IL7: variants seen among roughly 807,000 people sequenced by gnomAD.
IL7 encodes the protein interleukin 7, also known as interleukin-7.
IL7 carries 3 observed loss-of-function variants against 21.6 expected under a neutral mutation model. The observed-to-expected ratio is 0.14, with a 90% confidence interval of 0.06 to 0.36. The LOEUF is 0.36. Ranked by LOEUF, IL7 falls within the 10% of genes least tolerant of loss-of-function variation. IL7 has a pLI of 1.00. For missense variants in IL7, 175 were observed against 200.2 expected (o/e 0.87, Z 0.76); for synonymous variants, 62 against 68.1 (o/e 0.91, Z 0.44).
chr8:78,736,617 C>T, intron 4 of IL7, 90 bp from the exon 5 acceptor site: 1 of 693,084 alleles, frequency 1.4e-6, no homozygotes, highest in South Asian at 2.1e-5. Context: ...TTGCCTTCAG[C>T]TCATCTAATC....
At chr8:78,717,416 C>T, downstream of IL7, 1 of 1,612,460 alleles carries the variant, frequency 6.2e-7, no homozygotes, top group Non-Finnish European at 8.5e-7. Flanking sequence ...AAAATTCTGC[C>T]ATGAGTGTGG....
chr8:78,714,876 C>T (rs1045577951), downstream of IL7, among the ~76,000 whole-genome samples: 7 of 151,894 alleles, frequency 4.6e-5, no homozygotes, highest in South Asian at 4.2e-4. Context: ...AACCATTATC[C>T]GTAAGCATTT....
chr8:78,800,243 C>T (rs1282241284), intron 1 of IL7, among the ~76,000 whole-genome samples: 1 of 152,154 alleles, frequency 6.6e-6, no homozygotes, highest in African/African-American at 2.4e-5. Flanking sequence ...CAAAAGACGA[C>T]TTAACTCTTA....
At chr8:78,684,087 C>T (rs1474547467) in intron 4 of IL7, among the ~76,000 whole-genome samples, 1 of 152,174 alleles carries the variant, frequency 6.6e-6, no homozygotes, top group Non-Finnish European at 1.5e-5. Context: ...GTCTTCTGAG[C>T]CCTCCAAACT....
chr8:78,785,483 G>A (rs1409398901), intron 2 of IL7, among the ~76,000 whole-genome samples: 1 of 152,090 alleles, frequency 6.6e-6, no homozygotes, highest in Non-Finnish European at 1.5e-5. Flanking sequence ...TGGAGGGAGT[G>A]CATAATTTTG....
intron 2 of IL7, among the ~76,000 whole-genome samples, chr8:78,741,746 C>T (rs182869586): frequency 1.4e-3 from 220 of 152,250 alleles, no homozygotes; most frequent in African/African-American, 5.2e-3. Flanking sequence ...AAGGTTGACT[C>T]CTATAGAGGT....
At chr8:78,790,026 T>G (rs1047784969) in intron 2 of IL7, among the ~76,000 whole-genome samples, 1 of 152,180 alleles carries the variant, frequency 6.6e-6, no homozygotes, top group Non-Finnish European at 1.5e-5. Context: ...TCAGGCTATA[T>G]GAGAGCTGTC....
chr8:78,795,504 C>T (rs1813825145), intron 2 of IL7, among the ~76,000 whole-genome samples: 1 of 151,844 alleles, frequency 6.6e-6, no homozygotes, highest in African/African-American at 2.4e-5. Context: ...TGCTGATGTA[C>T]TTGTTCTTGT....
intron 2 of IL7, among the ~76,000 whole-genome samples, chr8:78,774,010 G>T (rs1390712919): frequency 2.6e-5 from 4 of 151,552 alleles, no homozygotes; most frequent in Admixed American, 2.6e-4. Context: ...ACGCCACTGT[G>T]AAAAAAATTA....
chr8:78,687,814 A>AAT (rs1334634175), intron 3 of IL7, among the ~76,000 whole-genome samples: 2 of 132,360 alleles, frequency 1.5e-5, no homozygotes, highest in African/African-American at 2.8e-5. Flanking sequence ...TCATGTAATA[A>AAT]ATATATATAT....
intron 4 of IL7, among the ~76,000 whole-genome samples, chr8:78,738,152 T>C (rs2130681570): frequency 6.6e-6 from 1 of 152,352 alleles, no homozygotes; most frequent in African/African-American, 2.4e-5. Context: ...CTAGGAGTTC[T>C]TGTAAATGTG....
At chr8:78,779,316 G>T (rs538690040) in intron 2 of IL7, among the ~76,000 whole-genome samples, 2 of 152,284 alleles carry the variant, frequency 1.3e-5, no homozygotes, top group Non-Finnish European at 2.9e-5. Context: ...TCTTGTGCTA[G>T]TTTTCTAGAG....
At chr8:78,697,983 T>C (rs938139000) in intron 3 of IL7, among the ~76,000 whole-genome samples, 30 of 152,264 alleles carry the variant, frequency 2.0e-4, no homozygotes, top group African/African-American at 6.7e-4. Flanking sequence ...GCCGAGCCAC[T>C]TTTTTGTTGT....
intron 3 of IL7, among the ~76,000 whole-genome samples, chr8:78,686,781 C>T (rs1382982821): frequency 6.6e-6 from 1 of 152,020 alleles, no homozygotes; most frequent in Non-Finnish European, 1.5e-5. Context: ...CTTATAAAGA[C>T]ATTAATTTAG....
chr8:78,728,070 T>C (rs1217406445), downstream of IL7, among the ~76,000 whole-genome samples: 1 of 152,042 alleles, frequency 6.6e-6, no homozygotes, highest in African/African-American at 2.4e-5. Context: ...TCTAACTAAA[T>C]AGTTGTAGAA....
intron 4 of IL7, among the ~76,000 whole-genome samples, chr8:78,682,378 C>T (rs1339957133): frequency 6.7e-6 from 1 of 148,956 alleles, no homozygotes; most frequent in Non-Finnish European, 1.5e-5. Context: ...GTTTAAGGGA[C>T]TTAAACTTCC....
At chr8:78,753,615 A>G (rs536732275) in intron 2 of IL7, among the ~76,000 whole-genome samples, 1 of 152,156 alleles carries the variant, frequency 6.6e-6, no homozygotes, top group South Asian at 2.1e-4. Context: ...CTTTGTTGCC[A>G]TTGCTTTTGG....
At chr8:78,701,034 C>A (rs1810586116) in intron 3 of IL7, among the ~76,000 whole-genome samples, 1 of 152,124 alleles carries the variant, frequency 6.6e-6, no homozygotes, top group Non-Finnish European at 1.5e-5. Context: ...TGAAGAATGT[C>A]ACTGATAGTT....
At chr8:78,783,842 T>C (rs1813421780) in intron 2 of IL7, among the ~76,000 whole-genome samples, 1 of 152,116 alleles carries the variant, frequency 6.6e-6, no homozygotes, top group East Asian at 1.9e-4. Context: ...TAAAGAAATA[T>C]GTAAAGCAAA....
Sources: allele counts gnomAD v4.1 joint callset (sites outside exome capture counted in the v4.1 genomes callset), GRCh38; gene constraint gnomAD v4.1.1; transcripts MANE v1.5; gene names NCBI Gene and HGNC (gene_info 2026-07-23, HGNC 2026-07-21).